ZNF407: variants seen among roughly 807,000 people sequenced by gnomAD.
ZNF407 encodes zinc finger protein 407.
A neutral mutation model predicts 131.2 loss-of-function variants in ZNF407; 17 were observed. The observed-to-expected ratio is 0.13, with a 90% confidence interval of 0.09 to 0.19. The LOEUF (loss-of-function observed/expected upper bound fraction) is 0.19. ZNF407 is among the 10% of genes least tolerant of loss of function. The pLI is 1.00. For missense variants in ZNF407, 2,681 were observed against 2,830.6 expected, an observed-to-expected ratio of 0.95 and a Z score of 1.20; for synonymous variants, 1,156 against 1,062.0, an observed-to-expected ratio of 1.09 and a Z score of -1.72.
At chr18:75,003,945 A>T (rs973750215) in intron 8 of ZNF407, among the ~76,000 whole-genome samples, 1 of 152,196 alleles carries the variant, frequency 6.6e-6, no homozygotes, top group African/African-American at 2.4e-5. Context: ...GCAGCAAATG[A>T]TACCCTGGGG....
At chr18:74,698,124 G>A (rs190476608) in intron 3 of ZNF407, among the ~76,000 whole-genome samples, 1 of 152,292 alleles carries the variant, frequency 6.6e-6, no homozygotes, top group African/African-American at 2.4e-5. Context: ...TATTTGATAA[G>A]ATTGTTTTTC....
rs897112240 is a variant in ZNF407 at position 74,703,490 on chromosome 18, C to T, written c.4802+62368C>T. Among the ~76,000 whole-genome samples the T allele has an allele frequency of 2.0e-5, 3 of 152,160 alleles. No homozygotes were observed. Among genetic ancestry groups the T allele is most frequent in the Non-Finnish European group, 4.4e-5 (3 of 68,030 alleles). ...CAAGCAGTTCTCCTGCCTCAGCCTCCAGAGTAGCTGGGATTACAGGTATAC... is the reference window on the plus strand; with the variant it reads ...CAAGCAGTTCTCCTGCCTCAGCCTCTAGAGTAGCTGGGATTACAGGTATAC... On this transcript the variant is annotated intron_variant, in intron 3 of 8. Transcript: ENST00000299687. The surrounding 1 kb of genome is among the most constrained non-coding windows in gnomAD (Gnocchi z 4.1).
intron 7 of ZNF407, among the ~76,000 whole-genome samples, chr18:74,913,436 G>A (rs1426828484): frequency 6.6e-6 from 1 of 152,204 alleles, no homozygotes; most frequent in South Asian, 2.1e-4. Flanking sequence ...CGTGCCCTTC[G>A]GTGTTCGATA....
chr18:74,638,065 G>T (rs879814427), intron 2 of ZNF407, among the ~76,000 whole-genome samples: 3 of 152,212 alleles, frequency 2.0e-5, no homozygotes, highest in Admixed American at 2.0e-4. Flanking sequence ...AACATGGGCT[G>T]TTGTTAAGTA....
chr18:74,976,689 C>T (rs759003642), intron 8 of ZNF407, among the ~76,000 whole-genome samples: 23 of 152,222 alleles, frequency 1.5e-4, no homozygotes, highest in Non-Finnish European at 2.6e-4. Context: ...CCATGTTCTG[C>T]CAATAGCTTT....
chr18:74,712,702 G>C (rs1234909631), intron 3 of ZNF407, among the ~76,000 whole-genome samples: 1 of 152,228 alleles, frequency 6.6e-6, no homozygotes, highest in Non-Finnish European at 1.5e-5. Context: ...AGGACTATTG[G>C]GTAGATAGCT....
intron 5 of ZNF407, among the ~76,000 whole-genome samples, chr18:74,878,234 A>G (rs567818036): frequency 3.3e-5 from 5 of 152,174 alleles, no homozygotes; most frequent in African/African-American, 9.6e-5. Context: ...GAGCTGTTTG[A>G]TATTTTTGTG....
intron 3 of ZNF407, among the ~76,000 whole-genome samples, chr18:74,707,811 G>A (rs1967662908): frequency 1.3e-5 from 2 of 152,106 alleles, no homozygotes; most frequent in African/African-American, 4.8e-5. Flanking sequence ...TTACCCATCT[G>A]TATCTCCTAC....
intron 4 of ZNF407, among the ~76,000 whole-genome samples, chr18:74,816,985 G>A (rs1406518041): frequency 1.3e-5 from 2 of 151,914 alleles, no homozygotes; most frequent in Non-Finnish European, 2.9e-5. Context: ...ATAAAATCTT[G>A]TTGTTATTTT....
At chr18:74,617,226 A>G (rs1983357065) in intron 1 of ZNF407, among the ~76,000 whole-genome samples, 3 of 149,598 alleles carry the variant, frequency 2.0e-5, no homozygotes, top group African/African-American at 7.4e-5. Flanking sequence ...ACTGAGAGTC[A>G]TTTAAATGCA....
At chr18:74,627,554 C>A (rs1422808478) in intron 1 of ZNF407, among the ~76,000 whole-genome samples, 4 of 150,608 alleles carry the variant, frequency 2.7e-5, no homozygotes, top group Non-Finnish European at 3.0e-5. Flanking sequence ...TGGTCTCCAA[C>A]TCCCAGGCTC....
chr18:74,820,637 C>G (rs1315092746), intron 4 of ZNF407, among the ~76,000 whole-genome samples: 1 of 152,174 alleles, frequency 6.6e-6, no homozygotes, highest in African/African-American at 2.4e-5. Flanking sequence ...AGTCGTTCAA[C>G]CTTGCCATTC....
intron 4 of ZNF407, among the ~76,000 whole-genome samples, chr18:74,833,342 A>G (rs144075149): frequency 1.3e-5 from 2 of 152,370 alleles, no homozygotes; most frequent in East Asian, 1.9e-4. Context: ...AATAGCACAT[A>G]AACAGGTAAG....
In ZNF407 at chr18:74,712,904, A is replaced by G. The variant is rs963655326; in HGVS notation, c.4803-68524A>G. Among the ~76,000 whole-genome samples, 12 of 152,294 alleles carry G rather than the reference A, an allele frequency of 7.9e-5. No homozygotes were observed. The East Asian group carries it at 2.1e-3, about 27-fold the overall frequency. On this transcript the variant is annotated intron_variant, in intron 3 of 8. Transcript: ENST00000299687. ...AGCATACAGAAGGAAGAAGACAGGA[A>G]GTCAGGGTTTGGTGGGAGAAAAATA... is the stretch of plus-strand genomic sequence containing the variant.
chr18:74,900,105 G>A (rs1971504086), intron 7 of ZNF407, among the ~76,000 whole-genome samples: 1 of 152,230 alleles, frequency 6.6e-6, no homozygotes, highest in African/African-American at 2.4e-5. Context: ...GAAACCGTGA[G>A]GCTGAAAACT....
At chr18:74,931,358 G>A (rs1339455282) in intron 8 of ZNF407, among the ~76,000 whole-genome samples, 2 of 152,130 alleles carry the variant, frequency 1.3e-5, no homozygotes, top group South Asian at 2.1e-4. Context: ...CACTCAACAA[G>A]AGCAAGGCAA....
At chr18:74,763,788 C>T (rs890074084) in intron 3 of ZNF407, among the ~76,000 whole-genome samples, 5 of 144,290 alleles carry the variant, frequency 3.5e-5, no homozygotes, top group African/African-American at 1.3e-4. Context: ...CGGCTCACTG[C>T]AAGCTCTGCC....
chr18:74,852,057 C>T (rs572796405), intron 4 of ZNF407, among the ~76,000 whole-genome samples: 195 of 152,200 alleles, frequency 1.3e-3, no homozygotes, highest in Non-Finnish European at 2.2e-3. Flanking sequence ...GACACATTGT[C>T]ACGGGAGCAT....
chr18:74,684,699 A>G (rs1261075915), intron 3 of ZNF407, among the ~76,000 whole-genome samples: 1 of 152,248 alleles, frequency 6.6e-6, no homozygotes, highest in Non-Finnish European at 1.5e-5. Context: ...ACTAAGGAGT[A>G]AACTGACTTT....
Sources: gnomAD v4.1 joint callset for allele counts (sites outside exome capture counted in the v4.1 genomes callset) on GRCh38, gnomAD v4.1.1 for gene constraint, Gnocchi (gnomAD v3.1) non-coding constraint, MANE v1.5 for transcripts, NCBI Gene and HGNC (gene_info 2026-07-23, HGNC 2026-07-21) for gene names.